Variants in TTN observed in about 807,000 individuals in gnomAD.
TTN encodes titin, also known as connectin.
A neutral mutation model predicts 3,223.0 loss-of-function variants in TTN; 1,525 were observed. The observed-to-expected ratio is 0.47, with a 90% confidence interval of 0.45 to 0.49. The LOEUF (loss-of-function observed/expected upper bound fraction) is 0.49. TTN is among the 20% of genes least tolerant of loss of function. TTN has a pLI of 0.00. For missense variants in TTN, 40,786 were observed against 43,424.0 expected (o/e 0.94, Z 5.40); for synonymous variants, 14,094 against 15,161.0 (o/e 0.93, Z 5.17).
chr2:178,556,432 A>T (rs1701483395), intron 330 of TTN: 1 of 186,982 alleles, frequency 5.3e-6, no homozygotes, highest in Non-Finnish European at 9.5e-6. Flanking sequence ...CTCTGTCTCA[A>T]AACAAACAAA....
At chr2:178,556,753 A>G in intron 330 of TTN, 95 bp downstream of exon 330, 2 of 1,428,004 alleles carry the variant, frequency 1.4e-6, no homozygotes, top group Non-Finnish European at 1.9e-6. Context: ...TAAGGCACAG[A>G]GTAAAAGTTA....
chr2:178,759,013 A>T lies in TTN; in HGVS notation c.10274T>A (p.Val3425Glu). ...CAGACTCAGGTTGGCTGTGCTTGAT[A>T]CTTGGCCTACAGCATTACTAGCAAC... ...TFVASNAVGQ[V>E]SSTANLSLEG... Residue 3425 changes from valine (V) to glutamate (E), a missense_variant, in exon 44 of 363, where the codon GTA becomes GAA. By Grantham distance (121) the Val-to-Glu change is moderately radical. Coordinates refer to ENST00000589042, the MANE Select transcript of TTN (RefSeq NM_001267550.2). 1 of 1,614,034 alleles carries T rather than the reference A, an allele frequency of 6.2e-7. No individual in the cohort carries two copies. The highest frequency in any genetic ancestry group is 1.7e-5 in the Admixed American group (1 of 60,022).
intron 270 of TTN, among the ~76,000 whole-genome samples, chr2:178,610,636 G>A (rs889246549): frequency 6.6e-6 from 1 of 151,906 alleles, no homozygotes; most frequent in Non-Finnish European, 1.5e-5. Flanking sequence ...TGCAGGGCTG[G>A]GGGGAATGCA....
intron 312 of TTN, 41 bp downstream of exon 312, chr2:178,583,566 T>C: frequency 6.7e-7 from 1 of 1,484,482 alleles, no homozygotes; most frequent in Non-Finnish European, 9.0e-7. Flanking sequence ...CCATCATGAA[T>C]GCTGTTACAT....
Position 178,573,492 on chromosome 2 carries a change from C to G in TTN, c.72640G>C (p.Val24214Leu). 6.7e-7 allele frequency: 1 copy of G among 1,502,446 alleles called. No individual in the cohort carries two copies. Among genetic ancestry groups the G allele is most frequent in the African/African-American group, 1.4e-5 (1 of 71,414 alleles). 93.1% of individuals were successfully genotyped at this position (1,502,446 alleles called of 1,614,324 possible). A position where few individuals can be genotyped will look rare whatever the true frequency, so the allele number is the denominator to read the frequency against. ...GVGEPLESEP[V>L]LAVNPYGPPD... ...GGTCCATAAGGATTCACTGCAAGCA[C>G]AGGCTCTGATTCCAGTGGCTCTCCC... Residue 24214 changes from valine to leucine, a missense_variant, in exon 326 of 363, where the codon GTG (valine) becomes CTG (leucine). Physicochemically the swap from Val to Leu is conservative, Grantham distance 32. Transcript: ENST00000589042.
chr2:178,729,219 A>T (rs763570172), intron 64 of TTN, 50 bp from the exon 65 acceptor site: 1 of 1,549,766 alleles, frequency 6.5e-7, no homozygotes, highest in Non-Finnish European at 8.7e-7. Context: ...TGTAACTCCT[A>T]CCCATAATGA....
At chr2:178,630,133 GT>G (rs2059617797) in intron 239 of TTN, 107 bp downstream of exon 239, 1 of 1,483,044 alleles carries the variant, frequency 6.7e-7, no homozygotes, top group South Asian at 1.2e-5. Flanking sequence ...CAGTTTTTGT[GT>G]TTTAATAATA....
In TTN at chr2:178,565,477, T is replaced by C; in HGVS notation, c.80655A>G (p.Pro26885=). ...DLTIQPSLKL[P]FNTYSIQAGE... is the part of the protein sequence containing the mutation. ...CAGCTTGGATACTATATGTGTTAAA[T>C]GGTAACTTTAAACTAGGCTGTATAG... The change falls in exon 326 of 363, where the codon CCA becomes CCG. Residue 26885 remains proline, a synonymous_variant. Transcript: ENST00000589042. The C allele has an allele frequency of 6.2e-7, 1 of 1,613,252 alleles. No individual in the cohort carries two copies. The highest frequency in any genetic ancestry group is 8.5e-7 in the Non-Finnish European group (1 of 1,179,526).
rs1365352148 is a variant in TTN, at chr2:178,732,709, C to T, written c.16352G>A (p.Ser5451Asn). 6.3e-7 allele frequency: 1 copy of T among 1,588,588 alleles called. No individual in the cohort carries two copies. Among genetic ancestry groups the T allele is most frequent in the South Asian group, 1.2e-5 (1 of 86,832 alleles). Reference sequence around the variant, plus strand: ...CTTTGAGCCGGGTTTAGTTACAAAACTGGGTGGTTCTGAAGAAGGGGTATA... The same window carrying T: ...CTTTGAGCCGGGTTTAGTTACAAAATTGGGTGGTTCTGAAGAAGGGGTATA... Reference protein sequence around the residue: ...SGALIVQEPPSFVTKPGSKDV... With the variant: ...SGALIVQEPPNFVTKPGSKDV... The change falls in exon 56 of 363, where the codon AGT (serine) becomes AAT (asparagine). Residue 5451 changes from serine (S) to asparagine (N), a missense_variant. Transcript: ENST00000589042.
chr2:178,541,618 A>C, intron 349 of TTN, 34 bp from the exon 350 acceptor site: 1 of 1,546,280 alleles, frequency 6.5e-7, no homozygotes, highest in Non-Finnish European at 8.8e-7. Context: ...CGATATGGCA[A>C]TATGAATACG....
rs2082548869 is a variant in TTN at position 178,741,922 on chromosome 2, CTGTA to C, written c.11312-5_11312-2del. ...GCAGACAGAAAAGAACTAGAAAACT[CTGTA>C]TGGGGAAAAATGATTATTATTTTAC... is the stretch of plus-strand genomic sequence containing the variant. On this transcript the variant is annotated splice_acceptor_variant and splice_polypyrimidine_tract_variant and intron_variant, in intron 47 of 362. Transcript: ENST00000589042. LOFTEE classifies it high-confidence loss of function. The C allele has an allele frequency of 2.0e-6, 3 of 1,498,372 alleles. No homozygotes were observed. The highest frequency in any genetic ancestry group is 1.4e-5 in the South Asian group (1 of 73,274). The allele number at this position is 1,498,372 out of a possible 1,614,324, so 92.8% of individuals were successfully genotyped here.
chr2:178,772,727 T>C (rs908299003), intron 33 of TTN, among the ~76,000 whole-genome samples: 1 of 152,174 alleles, frequency 6.6e-6, no homozygotes, highest in African/African-American at 2.4e-5. Context: ...TTGCAATATA[T>C]TGGAATATAC....
chr2:178,764,348 A>G, intron 42 of TTN, 46 bp from the exon 43 acceptor site: 1 of 1,613,136 alleles, frequency 6.2e-7, no homozygotes, highest in Non-Finnish European at 8.5e-7. Flanking sequence ...GTCACCATAG[A>G]GACCTCACAG....
In TTN at chr2:178,795,183, AC is replaced by A; in HGVS notation, c.983del (p.Arg328LeufsTer32). On this transcript the variant is annotated frameshift_variant, in exon 7 of 363. Coordinates refer to ENST00000589042, the MANE Select transcript of TTN (RefSeq NM_001267550.2). LOFTEE classifies it high-confidence loss of function. ...TGGCCACGGTGGATGCCTGAGTCTT[AC>A]GCATGAGCAATGGAGACCTAACAGA... ...IRSVRSPLLM[R>X]KTQASTVATG... 2 of 1,614,178 alleles carry A rather than the reference AC, an allele frequency of 1.2e-6. No homozygotes were observed. Among genetic ancestry groups the A allele is most frequent in the Non-Finnish European group, 1.7e-6 (2 of 1,180,012 alleles).
At chr2:178,724,228 A>C in intron 72 of TTN, 32 bp downstream of exon 72, 1 of 1,592,562 alleles carries the variant, frequency 6.3e-7, no homozygotes, top group Non-Finnish European at 8.5e-7. Flanking sequence ...AGGAATTTGC[A>C]TAAGCAACCA....
rs757519339 is a variant in TTN, at chr2:178,620,937, C to T, written c.45673G>A (p.Val15225Ile). ...GTATTGACTTCACAGTTGAAGACAACTTCCTGTTGTTCCTTCACCCGGGTG... is the reference window on the plus strand; with the variant it reads ...GTATTGACTTCACAGTTGAAGACAATTTCCTGTTGTTCCTTCACCCGGGTG... ...KDTRVKEQQE[V>I]VFNCEVNTEG... Residue 15225 changes from valine to isoleucine, a missense_variant, in exon 247 of 363, where the codon GTT becomes ATT. Transcript: ENST00000589042. 2 of 1,612,294 alleles carry T rather than the reference C, an allele frequency of 1.2e-6. No individual in the cohort carries two copies. Among genetic ancestry groups the T allele is most frequent in the Non-Finnish European group, 1.7e-6 (2 of 1,179,164 alleles).
At chr2:178,540,499 A>G (rs1045386377) in intron 350 of TTN, 129 bp from the exon 351 acceptor site, 1 of 825,124 alleles carries the variant, frequency 1.2e-6, no homozygotes, top group Non-Finnish European at 1.8e-6. Context: ...GTCTTGTGAA[A>G]ATTTTATTCA....
rs1186514108 is a variant in TTN at position 178,560,444 on chromosome 2, G to T, written c.85688C>A (p.Thr28563Asn). The T allele has an allele frequency of 1.9e-6, 3 of 1,613,268 alleles. No individual in the cohort carries two copies. In the Admixed American group the frequency reaches 5.0e-5, roughly 27 times the overall value. Residue 28563 changes from threonine to asparagine, a missense_variant, in exon 326 of 363, where the codon ACC becomes AAC. Thr to Asn is a moderately conservative substitution (Grantham distance 65, BLOSUM62 0). Transcript: ENST00000589042. ...CCAGCAAAGTGTCATAGATTCTTTGGTCACAGAAGTAATTTCCAAAGACGT... is the reference window on the plus strand; with the variant it reads ...CCAGCAAAGTGTCATAGATTCTTTGTTCACAGAAGTAATTTCCAAAGACGT... The part of the protein sequence containing the change: ...PPTSLEITSV[T>N]KESMTLCWSR...
At chr2:178,581,384 G>A in intron 316 of TTN, 115 bp downstream of exon 316, 1 of 821,406 alleles carries the variant, frequency 1.2e-6, no homozygotes, top group Non-Finnish European at 1.7e-6. Flanking sequence ...AGTACTCTTG[G>A]AGTTACCAGC....
Sources: allele counts gnomAD v4.1 joint callset (sites outside exome capture counted in the v4.1 genomes callset), GRCh38; gene constraint gnomAD v4.1.1; transcripts MANE v1.5; gene names NCBI Gene and HGNC (gene_info 2026-07-23, HGNC 2026-07-21).